The following GARNL3 variants were observed in gnomAD, a reference collection of about 807,000 sequenced individuals.
GARNL3 encodes GTPase activating Rap/RanGAP domain like 3, also known as GTPase-activating Rap/Ran-GAP domain-like protein 3.
In GARNL3, 63 loss-of-function variants were observed where a neutral mutation model predicts 125.0. The observed-to-expected ratio is 0.50, with a 90% CI of 0.41 to 0.62. The LOEUF (loss-of-function observed/expected upper bound fraction) is 0.62. Ranked by LOEUF, GARNL3 falls within the 20% of genes least tolerant of loss-of-function variation. GARNL3 has a pLI of 0.00. For missense variants in GARNL3, 994 were observed against 1,244.0 expected, an observed-to-expected ratio of 0.80 and a Z score of 3.02; for synonymous variants, 439 against 457.5, an observed-to-expected ratio of 0.96 and a Z score of 0.52.
At chr9:127,231,048 ATATTTTTTTTTTT>A (rs1214458656) in intron 1 of GARNL3, among the ~76,000 whole-genome samples, 1 of 43,700 alleles carries the variant, frequency 2.3e-5, no homozygotes, top group Admixed American at 3.2e-4. Context: ...ATATATATAT[ATATTTTTTTTTTT>A]TTTTTTTTTT....
intron 25 of GARNL3, 42 bp from the exon 26 acceptor site, chr9:127,388,862 T>G: frequency 8.3e-7 from 1 of 1,211,166 alleles, no homozygotes; most frequent in Non-Finnish European, 1.2e-6. Context: ...TAATGTGCAC[T>G]TTTCTTAAAG....
intron 1 of GARNL3, among the ~76,000 whole-genome samples, chr9:127,234,576 G>A (rs1245920088): frequency 6.6e-6 from 1 of 152,232 alleles, no homozygotes; most frequent in Non-Finnish European, 1.5e-5. Flanking sequence ...GCAATGAGGT[G>A]TGACTGCCCA....
intron 2 of GARNL3, among the ~76,000 whole-genome samples, chr9:127,305,304 T>C (rs2064922336): frequency 6.6e-6 from 1 of 152,268 alleles, no homozygotes; most frequent in Non-Finnish European, 1.5e-5. Context: ...CTGGAGCTTG[T>C]GTTCAGAGTT....
At chr9:127,289,108 C>A (rs1161920417) in intron 1 of GARNL3, among the ~76,000 whole-genome samples, 1 of 152,198 alleles carries the variant, frequency 6.6e-6, no homozygotes, top group East Asian at 1.9e-4. Context: ...CACAAAGAAG[C>A]TGTTGATGCT....
intron 6 of GARNL3, among the ~76,000 whole-genome samples, chr9:127,321,062 A>G (rs185772830): frequency 6.6e-6 from 1 of 152,242 alleles, no homozygotes; most frequent in African/African-American, 2.4e-5. Context: ...TAGGGTGTAC[A>G]TTCAGAAAAA....
chr9:127,333,825 G>A (rs1475593680), intron 9 of GARNL3, among the ~76,000 whole-genome samples: 4 of 152,164 alleles, frequency 2.6e-5, no homozygotes, highest in South Asian at 2.1e-4. Flanking sequence ...GGAGTTTTGA[G>A]GTTATATTAA....
intron 1 of GARNL3, among the ~76,000 whole-genome samples, chr9:127,240,327 C>T (rs1467353728): frequency 6.6e-6 from 1 of 152,100 alleles, no homozygotes; most frequent in African/African-American, 2.4e-5. Flanking sequence ...TGCCATGCAC[C>T]GCCAGCCCTC....
At chr9:127,264,756 G>T, upstream of GARNL3, 12 of 1,267,550 alleles carry the variant, frequency 9.5e-6, no homozygotes, top group Admixed American at 4.1e-5. Flanking sequence ...GCTTTTTATT[G>T]AGGGCTCCAT....
intron 7 of GARNL3, among the ~76,000 whole-genome samples, chr9:127,330,184 C>T (rs1240597977): frequency 1.3e-5 from 2 of 152,190 alleles, no homozygotes; most frequent in Non-Finnish European, 2.9e-5. Flanking sequence ...GTTTGAGAAC[C>T]ACTACTGTAG....
chr9:127,242,344 A>AAG lies in GARNL3; in HGVS notation c.-28-732_-28-731dup, dbSNP rs1470827864. ...CTGTCAGTTGAGGTAGAGGTGAGTG[A>AAG]AGAGCCCTGCTAATTGGCTCAGAAA... On this transcript the variant is annotated intron_variant, in intron 1 of 10. Coordinates refer to the GARNL3 transcript ENST00000439286. The surrounding 1 kb of genome is among the most constrained non-coding windows in gnomAD (Gnocchi z 4.6). 6.6e-6 allele frequency among the ~76,000 whole-genome samples: 1 copy of AAG among 152,148 alleles called. No individual in the cohort carries two copies.
At chr9:127,227,478 G>C (rs1441841647) in intron 1 of GARNL3, among the ~76,000 whole-genome samples, 1 of 152,066 alleles carries the variant, frequency 6.6e-6, no homozygotes, top group Non-Finnish European at 1.5e-5. Flanking sequence ...GTAGGCGCCT[G>C]TAATCCCAAC....
intron 12 of GARNL3, among the ~76,000 whole-genome samples, chr9:127,339,213 T>C (rs969105107): frequency 1.3e-5 from 2 of 150,774 alleles, no homozygotes; most frequent in Non-Finnish European, 1.5e-5. Flanking sequence ...AGGAGAATGG[T>C]GTGAACCCGG....
At chr9:127,359,431 A>G (rs1490724921) in intron 21 of GARNL3, among the ~76,000 whole-genome samples, 3 of 152,130 alleles carry the variant, frequency 2.0e-5, no homozygotes, top group Non-Finnish European at 4.4e-5. Context: ...CGGAGGTTGC[A>G]GTGAGCCAAG....
At chr9:127,341,865 TGAG>T (rs1829877567) in intron 13 of GARNL3, among the ~76,000 whole-genome samples, 1 of 151,922 alleles carries the variant, frequency 6.6e-6, no homozygotes, top group South Asian at 2.1e-4. Context: ...GAGGGTGTGT[TGAG>T]GAGATGGAGT....
rs149052919 is a variant in GARNL3, at chr9:127,290,304, A to G, written c.145-864A>G. Among the ~76,000 whole-genome samples the G allele has an allele frequency of 1.6e-3, 242 of 152,282 alleles. 1 individual carries two copies. The highest frequency in any genetic ancestry group is 6.8e-3 in the Middle Eastern group (2 of 294). The stretch of plus-strand genomic sequence containing the variant: ...CTAAATTTTTTCTATTAATTTTTAT[A>G]CCATCGTATCTCTTAAGCACTAGTG... On this transcript the variant is annotated intron_variant, in intron 1 of 27. Transcript: ENST00000373387.
At chr9:127,343,836 G>A (rs914286888) in intron 14 of GARNL3, among the ~76,000 whole-genome samples, 1 of 152,178 alleles carries the variant, frequency 6.6e-6, no homozygotes, top group Non-Finnish European at 1.5e-5. Flanking sequence ...GACCCACAAG[G>A]CTGCAGATTT....
rs554485929 is a variant in GARNL3, at chr9:127,386,664, CAT to C, written c.2389-528_2389-527del. 4.8e-3 allele frequency among the ~76,000 whole-genome samples: 726 copies of C among 152,278 alleles called. 3 individuals carry two copies. The highest frequency in any genetic ancestry group is 8.0e-3 in the Non-Finnish European group (543 of 68,014). On this transcript the variant is annotated intron_variant, in intron 24 of 27. Transcript: ENST00000373387. ...AGGTTTGTATAATTTAATTTCTAATCATGTGTGTTTAACAGCCAGTTTGCAAA... is the reference window on the plus strand; with the variant it reads ...AGGTTTGTATAATTTAATTTCTAATCGTGTGTTTAACAGCCAGTTTGCAAA...
At position 127,365,365 on chromosome 9, in the gene GARNL3, C is replaced by T; in HGVS notation, c.2160C>T (p.Asn720=). Residue 720 remains asparagine (N), a splice_region_variant and synonymous_variant, in exon 22 of 28, where the codon AAC becomes AAT. Coordinates refer to ENST00000373387, the MANE Select transcript of GARNL3 (RefSeq NM_032293.5). ...AAGCTGGTTTGCTGTTGTGTTACAA[C>T]TGTAAGTTAAGGATGTGCTTTTATC... ...DGEAGLLLCY[N]YSCIYKKVCP... The T allele has an allele frequency of 6.2e-7, 1 of 1,610,212 alleles. No homozygotes were observed. The highest frequency in any genetic ancestry group is 8.5e-7 in the Non-Finnish European group (1 of 1,176,666).
At position 127,336,028 on chromosome 9, in the gene GARNL3, T is replaced by C. The variant is rs532384029; in HGVS notation, c.874-100T>C. Reference sequence around the variant, plus strand: ...ATGTCTGAAGTTCAGGGCTCTGTCATAGTGGCTGTGGTTTGTTATATTGGG... The same window carrying C: ...ATGTCTGAAGTTCAGGGCTCTGTCACAGTGGCTGTGGTTTGTTATATTGGG... On this transcript the variant is annotated intron_variant, in intron 10 of 27. Transcript: ENST00000373387. The C allele has an allele frequency of 1.7e-4, 145 of 839,480 alleles. 2 individuals are homozygous for C. In the South Asian group the frequency reaches 2.3e-3, roughly 13 times the overall value. 52.0% of individuals were successfully genotyped at this position (839,480 alleles called of 1,614,324 possible). A position where few individuals can be genotyped will look rare whatever the true frequency, so the allele number is the denominator to read the frequency against.
Sources: gnomAD v4.1 joint callset for allele counts (sites outside exome capture counted in the v4.1 genomes callset) on GRCh38, gnomAD v4.1.1 for gene constraint, Gnocchi (gnomAD v3.1) non-coding constraint, MANE v1.5 for transcripts, NCBI Gene and HGNC (gene_info 2026-07-23, HGNC 2026-07-21) for gene names.